Variants in NAV2 observed in about 807,000 individuals in gnomAD.
The protein encoded by NAV2 is neuron navigator 2, also known as helicase, APC down-regulated 1.
In NAV2, 54 loss-of-function variants were observed where a neutral mutation model predicts 223.2. The observed-to-expected ratio is 0.24, with a 90% CI of 0.19 to 0.30. The LOEUF (loss-of-function observed/expected upper bound fraction) is 0.30, where lower values mean the gene tolerates loss of function less well. Among genes scored for constraint, NAV2 ranks in the 10% least tolerant of loss-of-function variants. The probability of loss-of-function intolerance (pLI) is 1.00; values close to 1 mark genes in which losing one functional copy is unlikely to be tolerated. For missense variants in NAV2, 2,806 were observed against 3,147.5 expected (o/e 0.89, Z 2.60); for synonymous variants, 1,279 against 1,239.3 (o/e 1.03, Z -0.67).
chr11:19,401,977 T>C (rs182030056), intron 1 of NAV2: 2 of 152,238 alleles, frequency 1.3e-5, no homozygotes, highest in African/African-American at 4.8e-5. Context: ...GGTATGGTCG[T>C]AGACATGCAT....
chr11:20,080,073 C>T lies in NAV2; in HGVS notation c.5189C>T (p.Thr1730Ile). The stretch of plus-strand genomic sequence containing the variant: ...CTGCCTTGGTCTCCAGGAAACGGCA[C>T]TGCCCAGTCTGCAGACCTCCGCATC... ...TPELNCKGNGTAQSADLRIRR... is the reference protein window; with the variant it reads ...TPELNCKGNGIAQSADLRIRR... The change falls in exon 25 of 38, where the codon ACT becomes ATT. Residue 1730 changes from threonine to isoleucine, a missense_variant. Physicochemically the swap from Thr to Ile is moderately conservative, Grantham distance 89. Around this residue, in one of 4 missense-constraint regions of NAV2, gnomAD observed 824 missense variants for 1,069.4 expected, o/e 0.77. Transcript: ENST00000349880. The T allele has an allele frequency of 3.1e-6, 5 of 1,613,774 alleles. No individual in the cohort carries two copies. The highest frequency in any genetic ancestry group is 1.7e-5 in the Admixed American group (1 of 60,022).
intron 11 of NAV2, among the ~76,000 whole-genome samples, chr11:19,989,355 C>T (rs1260439079): frequency 1.3e-5 from 2 of 152,132 alleles, no homozygotes; most frequent in African/African-American, 2.4e-5. Flanking sequence ...AAGAAGGCTA[C>T]AGCCCAAGAA....
chr11:19,358,049 C>T (rs1853718585), intron 1 of NAV2, among the ~76,000 whole-genome samples: 1 of 152,138 alleles, frequency 6.6e-6, no homozygotes, highest in Non-Finnish European at 1.5e-5. Context: ...CTACTTTGCT[C>T]CTAAAGCTTG....
chr11:20,096,312 G>A (rs74535464), intron 30 of NAV2, among the ~76,000 whole-genome samples: 2,182 of 152,304 alleles, frequency 0.014, 52 homozygotes, highest in African/African-American at 0.05. Flanking sequence ...ATTAGATTGG[G>A]TGTTTGCCAT....
chr11:19,663,771 G>A (rs193141846), intron 1 of NAV2, among the ~76,000 whole-genome samples: 57 of 152,070 alleles, frequency 3.7e-4, no homozygotes, highest in Admixed American at 3.5e-3. Context: ...TTCCATCTTG[G>A]ATTCCATCAA....
rs551897608 is a variant in NAV2, at chr11:19,729,799, G to C, written c.267+15837G>C. Among the ~76,000 whole-genome samples, 3 of 152,292 alleles carry C rather than the reference G, an allele frequency of 2.0e-5. No homozygotes were observed. In the South Asian group the frequency reaches 6.2e-4, roughly 32 times the overall value. ...TGTTCCATGATAAAGTCTGAACCAA[G>C]ACATCCCTGTAACAGTGGCCTTTGG... On this transcript the variant is annotated intron_variant, in intron 1 of 37. Coordinates refer to ENST00000349880, the MANE Select transcript of NAV2 (RefSeq NM_145117.5).
At chr11:19,676,663 C>T (rs1374938859) in intron 1 of NAV2, among the ~76,000 whole-genome samples, 1 of 152,150 alleles carries the variant, frequency 6.6e-6, no homozygotes, top group Non-Finnish European at 1.5e-5. Flanking sequence ...GGGGTGGAGG[C>T]ATCTGCTGGG....
chr11:19,803,324 C>T (rs116281080), intron 1 of NAV2, among the ~76,000 whole-genome samples: 3,640 of 152,230 alleles, frequency 0.024, 131 homozygotes, highest in African/African-American at 0.083. Context: ...GGAGATACTC[C>T]CTCTGGTGAG....
intron 6 of NAV2, among the ~76,000 whole-genome samples, chr11:19,921,521 G>A (rs779616089): frequency 2.6e-5 from 4 of 152,214 alleles, no homozygotes; most frequent in Non-Finnish European, 5.9e-5. Context: ...TTCAGGGAAG[G>A]AGTTAAAGGT....
chr11:19,627,659 C>A (rs2047209393), intron 1 of NAV2, among the ~76,000 whole-genome samples: 1 of 152,050 alleles, frequency 6.6e-6, no homozygotes, highest in Admixed American at 6.5e-5. Flanking sequence ...TTACAGTCTG[C>A]CCAGCTCCAG....
chr11:19,865,693 G>A (rs1426779238), intron 3 of NAV2, among the ~76,000 whole-genome samples: 1 of 152,238 alleles, frequency 6.6e-6, no homozygotes, highest in Non-Finnish European at 1.5e-5. Context: ...ACTTACGAAT[G>A]ATCTTTTAAA....
chr11:20,032,517 A>G (rs555233407), intron 11 of NAV2, among the ~76,000 whole-genome samples: 2 of 152,330 alleles, frequency 1.3e-5, no homozygotes, highest in Admixed American at 1.3e-4. Flanking sequence ...CCTGCCAGCC[A>G]CGGTCCTCTC....
intron 1 of NAV2, among the ~76,000 whole-genome samples, chr11:19,484,811 TGC>T (rs2134024126): frequency 6.6e-6 from 1 of 152,306 alleles, no homozygotes; most frequent in South Asian, 2.1e-4. Context: ...AACTCTTAGT[TGC>T]AATGCTGGCT....
At chr11:19,421,883 G>A (rs1850629258) in intron 1 of NAV2, among the ~76,000 whole-genome samples, 1 of 148,858 alleles carries the variant, frequency 6.7e-6, no homozygotes, top group Admixed American at 6.9e-5. Flanking sequence ...GAGAATACAG[G>A]GCTTCAAAGC....
rs531122599 is a variant in NAV2, at chr11:19,406,458, C to T, written c.75+55431C>T. Reference sequence around the variant, plus strand: ...AGAGGAAAAGGGAACATAGAAACAGCGGGTGACTTGGCCTAAAGTCATGGG... The same window carrying T: ...AGAGGAAAAGGGAACATAGAAACAGTGGGTGACTTGGCCTAAAGTCATGGG... On this transcript the variant is annotated intron_variant, in intron 1 of 37. Transcript: ENST00000360655. Among the ~76,000 whole-genome samples, 3 of 152,266 alleles carry T rather than the reference C, an allele frequency of 2.0e-5. No homozygotes were observed. The South Asian group carries it at 6.2e-4, about 32-fold the overall frequency.
At chr11:19,410,661 T>G (rs1227440124) in intron 1 of NAV2, among the ~76,000 whole-genome samples, 4 of 152,150 alleles carry the variant, frequency 2.6e-5, no homozygotes, top group Non-Finnish European at 5.9e-5. Context: ...AAAACATAAC[T>G]AATGAAGGTA....
chr11:19,537,617 A>C (rs932819398), intron 1 of NAV2, among the ~76,000 whole-genome samples: 5 of 152,218 alleles, frequency 3.3e-5, no homozygotes, highest in Non-Finnish European at 5.9e-5. Flanking sequence ...AGCAGCCACC[A>C]AGTGGACTGT....
At chr11:19,365,623 G>T (rs1314632413) in intron 1 of NAV2, among the ~76,000 whole-genome samples, 2 of 152,168 alleles carry the variant, frequency 1.3e-5, no homozygotes, top group Admixed American at 6.5e-5. Flanking sequence ...CAATAATTTT[G>T]TTCCCAATTA....
intron 1 of NAV2, among the ~76,000 whole-genome samples, chr11:19,694,387 G>A (rs1004396822): frequency 2.6e-5 from 4 of 152,334 alleles, no homozygotes; most frequent in Admixed American, 1.3e-4. Context: ...GCAGGCCTCC[G>A]AGCAAGCTCA....
Sources: gnomAD v4.1 joint callset for allele counts (sites outside exome capture counted in the v4.1 genomes callset) on GRCh38, gnomAD v4.1.1 for gene constraint, gnomAD v4.1.1 regional missense constraint, MANE v1.5 for transcripts, NCBI Gene and HGNC (gene_info 2026-07-23, HGNC 2026-07-21) for gene names.